The following EXOC6B variants were observed in gnomAD, a reference collection of about 807,000 sequenced individuals.
EXOC6B encodes the protein SEC15 homolog B.
In EXOC6B, 54 loss-of-function variants were observed where a neutral mutation model predicts 113.5. The ratio of observed to expected loss-of-function variants is 0.48; its 90% CI spans 0.38 to 0.60. The LOEUF (loss-of-function observed/expected upper bound fraction) is 0.60, where lower values mean the gene tolerates loss of function less well. Ranked by LOEUF, EXOC6B falls within the 20% of genes least tolerant of loss-of-function variation. The probability of loss-of-function intolerance (pLI) is 0.00; values close to 1 mark genes in which losing one functional copy is unlikely to be tolerated. For synonymous variants in EXOC6B, 357 were observed against 339.0 expected, an observed-to-expected ratio of 1.05 and a Z score of -0.58; for missense variants, 797 against 977.5, an observed-to-expected ratio of 0.82 and a Z score of 2.46.
At chr2:72,535,386 A>C (rs960366950) in intron 8 of EXOC6B, among the ~76,000 whole-genome samples, 1 of 152,156 alleles carries the variant, frequency 6.6e-6, no homozygotes, top group Non-Finnish European at 1.5e-5. Context: ...AACTTCAAAG[A>C]ATGTGTGGTG....
At chr2:72,277,224 A>G (rs1355980447) in intron 20 of EXOC6B, among the ~76,000 whole-genome samples, 2 of 152,180 alleles carry the variant, frequency 1.3e-5, no homozygotes, top group Non-Finnish European at 2.9e-5. Flanking sequence ...TTCCCCACAA[A>G]TAAATTTTAT....
chr2:72,214,945 T>G (rs1680427829), intron 20 of EXOC6B, among the ~76,000 whole-genome samples: 1 of 152,218 alleles, frequency 6.6e-6, no homozygotes, highest in Non-Finnish European at 1.5e-5. Flanking sequence ...CAAGACTGAC[T>G]GCTTTTAGGG....
At chr2:72,430,312 C>G (rs1434361978) in intron 18 of EXOC6B, among the ~76,000 whole-genome samples, 3 of 152,168 alleles carry the variant, frequency 2.0e-5, no homozygotes, top group Non-Finnish European at 4.4e-5. Flanking sequence ...ACAATAAACT[C>G]TGAGTAAAAA....
intron 19 of EXOC6B, among the ~76,000 whole-genome samples, chr2:72,360,557 G>A (rs887438704): frequency 6.6e-6 from 1 of 152,126 alleles, no homozygotes; most frequent in Non-Finnish European, 1.5e-5. Flanking sequence ...TCAATTTAAA[G>A]AAATTGAGGA....
chr2:72,657,225 CTTTT>C (rs70963135), intron 6 of EXOC6B, among the ~76,000 whole-genome samples: 1 of 120,080 alleles, frequency 8.3e-6, no homozygotes, highest in Non-Finnish European at 1.7e-5. Flanking sequence ...CCACAACTGT[CTTTT>C]TTTTTTTTTT....
chr2:72,794,593 G>A lies in EXOC6B; in HGVS notation c.113+31205C>T, dbSNP rs1278991125. 2.0e-5 allele frequency among the ~76,000 whole-genome samples: 3 copies of A among 152,200 alleles called. No individual in the cohort carries two copies. In the East Asian group the frequency reaches 5.8e-4, roughly 29 times the overall value. On this transcript the variant is annotated intron_variant, in intron 1 of 21. Coordinates refer to ENST00000272427, the MANE Select transcript of EXOC6B (RefSeq NM_015189.3). ...GTGCTGATAGATTATGATCAAACCA[G>A]AAGCAGATAAATAAATTCATTGTTA...
chr2:72,678,355 C>A (rs982973666), intron 6 of EXOC6B, among the ~76,000 whole-genome samples: 3 of 152,138 alleles, frequency 2.0e-5, no homozygotes, highest in African/African-American at 7.2e-5. Flanking sequence ...TTTCACTGCC[C>A]AGTAGTGAAA....
At chr2:72,451,307 T>G (rs2105362318) in intron 18 of EXOC6B, among the ~76,000 whole-genome samples, 1 of 152,316 alleles carries the variant, frequency 6.6e-6, no homozygotes, top group African/African-American at 2.4e-5. Context: ...GAAAGACTGC[T>G]TCCCATTTTC....
chr2:72,496,606 G>T (rs200752375), intron 13 of EXOC6B, 47 bp from the exon 14 acceptor site: 186 of 1,153,510 alleles, frequency 1.6e-4, no homozygotes, highest in Non-Finnish European at 2.2e-4. Flanking sequence ...TAGACAAAGT[G>T]GGGGGGTAGG....
At chr2:72,238,660 T>C (rs991507773) in intron 20 of EXOC6B, among the ~76,000 whole-genome samples, 1 of 152,238 alleles carries the variant, frequency 6.6e-6, no homozygotes, top group East Asian at 1.9e-4. Context: ...CTAATGATGC[T>C]AAGCATTTTG....
intron 18 of EXOC6B, among the ~76,000 whole-genome samples, chr2:72,427,426 C>T (rs928266824): frequency 6.6e-6 from 1 of 152,164 alleles, no homozygotes; most frequent in Non-Finnish European, 1.5e-5. Flanking sequence ...GTGTCTGCTC[C>T]CATTACCTGG....
At chr2:72,386,322 CAGG>C (rs1692023969) in intron 18 of EXOC6B, among the ~76,000 whole-genome samples, 1 of 152,102 alleles carries the variant, frequency 6.6e-6, no homozygotes, top group Non-Finnish European at 1.5e-5. Context: ...AGCCCATTTT[CAGG>C]AGAAGAATTC....
Position 72,227,210 on chromosome 2 carries a change from TA to T in EXOC6B, c.2197-43024del, listed in dbSNP as rs1261097602. ...TTGTATTAATAAGCAAATCCAACTA[TA>T]TGCTGCCTATAAGAGATAAATTTAA... On this transcript the variant is annotated intron_variant, in intron 20 of 21. Transcript: ENST00000272427. Among the ~76,000 whole-genome samples the T allele has an allele frequency of 2.0e-5, 3 of 152,252 alleles. No individual in the cohort carries two copies. The East Asian group carries it at 5.8e-4, about 29-fold the overall frequency.
chr2:72,271,967 C>T (rs1426103562), intron 20 of EXOC6B, among the ~76,000 whole-genome samples: 1 of 152,136 alleles, frequency 6.6e-6, no homozygotes, highest in East Asian at 1.9e-4. Flanking sequence ...CCCCTTTTCC[C>T]CTCCCTCCAC....
chr2:72,502,572 A>G (rs1251534022), intron 11 of EXOC6B, among the ~76,000 whole-genome samples: 1 of 152,204 alleles, frequency 6.6e-6, no homozygotes, highest in Non-Finnish European at 1.5e-5. Context: ...AAATAAATAC[A>G]GGATGGGTAA....
At chr2:72,209,248 GAAAAGA>G (rs1559017866) in intron 20 of EXOC6B, among the ~76,000 whole-genome samples, 4 of 86,078 alleles carry the variant, frequency 4.6e-5, no homozygotes, top group African/African-American at 1.6e-4. Context: ...AAAAAAAAAA[GAAAAGA>G]AAAGAAAAGA....
At position 72,401,563 on chromosome 2, in the gene EXOC6B, A is replaced by G. The variant is rs1166005109; in HGVS notation, c.1981-21693T>C. On this transcript the variant is annotated intron_variant, in intron 18 of 21. Transcript: ENST00000272427. ...TATATATGTGTATATATATATATAT[A>G]TACATATATATATATATACATATAT... Among the ~76,000 whole-genome samples the G allele has an allele frequency of 6.4e-4, 20 of 31,112 alleles. 1 individual carries two copies. The highest frequency in any genetic ancestry group is 9.7e-4 in the African/African-American group (3 of 3,086). 20.4% of individuals were successfully genotyped at this position (31,112 alleles called of 152,430 possible).
In EXOC6B at chr2:72,767,808, T is replaced by TAAAAAAAAAAAAAAAAAA. The variant is rs34358568; in HGVS notation, c.114-26357_114-26340dup. Among the ~76,000 whole-genome samples the TAAAAAAAAAAAAAAAAAA allele has an allele frequency of 8.1e-3, 103 of 12,680 alleles. 22 individuals carry two copies. The highest frequency in any genetic ancestry group is 9.1e-3 in the Admixed American group (7 of 766). The allele number at this position is 12,680 out of a possible 152,430, so 8.3% of individuals were successfully genotyped here. On this transcript the variant is annotated intron_variant, in intron 1 of 21. Transcript: ENST00000272427. The stretch of plus-strand genomic sequence containing the variant: ...AGCCTGGGAGACACAGAGACCTTGT[T>TAAAAAAAAAAAAAAAAAA]AAAAAAAAAAAAAAAAAAAAAAAAA...
chr2:72,271,988 G>A (rs139820818), intron 20 of EXOC6B, among the ~76,000 whole-genome samples: 8 of 152,146 alleles, frequency 5.3e-5, no homozygotes, highest in African/African-American at 1.9e-4. Flanking sequence ...TTACGTACAT[G>A]CTGATATAGT....
Sources: gnomAD v4.1 joint callset for allele counts (sites outside exome capture counted in the v4.1 genomes callset) on GRCh38, gnomAD v4.1.1 for gene constraint, MANE v1.5 for transcripts, NCBI Gene and HGNC (gene_info 2026-07-23, HGNC 2026-07-21) for gene names.